The following TRIM51 variants were observed in gnomAD, a reference collection of about 807,000 sequenced individuals.
TRIM51 encodes the protein tripartite motif-containing 51.
TRIM51 carries 23 observed loss-of-function variants against 32.7 expected under a neutral mutation model. The observed-to-expected ratio is 0.70, with a 90% CI of 0.51 to 1.00. The LOEUF is 1.00. Ranked by LOEUF, TRIM51 falls within the 50% of genes least tolerant of loss-of-function variation. The probability of loss-of-function intolerance (pLI) is 0.00; values close to 1 mark genes in which losing one functional copy is unlikely to be tolerated. For synonymous variants in TRIM51, 177 were observed against 181.9 expected, an observed-to-expected ratio of 0.97 and a Z score of 0.22; for missense variants, 592 against 539.2, an observed-to-expected ratio of 1.10 and a Z score of -0.97.
At chr11:55,886,544 G>T (rs529220829) in intron 3 of TRIM51, among the ~76,000 whole-genome samples, 2 of 152,216 alleles carry the variant, frequency 1.3e-5, no homozygotes, top group South Asian at 4.1e-4. Context: ...AGAGTTATTT[G>T]TCAGTCATGG....
chr11:55,886,468 C>G (rs545172247), intron 3 of TRIM51, among the ~76,000 whole-genome samples: 6 of 152,274 alleles, frequency 3.9e-5, no homozygotes, highest in Non-Finnish European at 7.4e-5. Flanking sequence ...AATACCCCAG[C>G]AAATACAAGA....
rs564255686 is a variant in TRIM51 at position 55,891,629 on chromosome 11, C to T, written c.1356C>T (p.Phe452=). ...GGCCTATCTTTTGCTGTAGTCACTT[C>T]TGACCAGAGAAAAGTCAGAAATGTG... ...PLRPIFCCSH[F] The change falls in exon 7 of 7, where the codon TTC becomes TTT. Residue 452 remains phenylalanine, a synonymous_variant. Transcript: ENST00000449290. 7 of 1,613,036 alleles carry T rather than the reference C, an allele frequency of 4.3e-6. No individual in the cohort carries two copies. In the Admixed American group the frequency reaches 8.3e-5, roughly 19 times the overall value.
At chr11:55,885,341 A>T in intron 1 of TRIM51, 84 bp from the exon 2 acceptor site, 2 of 1,405,380 alleles carry the variant, frequency 1.4e-6, no homozygotes, top group Admixed American at 3.5e-5. Context: ...TCAAGAAGAA[A>T]ATATAGCTAT....
chr11:55,884,157 C>CTATAACTATATATATATATATA (rs763667977), intron 1 of TRIM51, among the ~76,000 whole-genome samples: 8 of 61,548 alleles, frequency 1.3e-4, no homozygotes, highest in Admixed American at 4.1e-4. Context: ...ATAACTATAA[C>CTATAACTATATATATATATATA]TATATATATA....
intron 3 of TRIM51, among the ~76,000 whole-genome samples, chr11:55,887,591 G>T (rs1354341465): frequency 2.0e-5 from 3 of 152,102 alleles, no homozygotes; most frequent in Non-Finnish European, 4.4e-5. Context: ...ATTAGAATAT[G>T]TTATGCTGGG....
At chr11:55,890,862 T>C (rs1468864209) in intron 6 of TRIM51, among the ~76,000 whole-genome samples, 1 of 152,214 alleles carries the variant, frequency 6.6e-6, no homozygotes, top group Non-Finnish European at 1.5e-5. Context: ...CATTTTTACA[T>C]TGGAGATTGG....
At chr11:55,888,674 A>G (rs1816957777) in intron 4 of TRIM51, among the ~76,000 whole-genome samples, 1 of 152,154 alleles carries the variant, frequency 6.6e-6, no homozygotes, top group Admixed American at 6.6e-5. Context: ...TCATTTTGGT[A>G]ACAGGGCTTA....
At position 55,891,706 on chromosome 11, in the gene TRIM51, T is replaced by A; in HGVS notation, c.*74T>A. The A allele has an allele frequency of 6.6e-7, 1 of 1,522,714 alleles. No individual in the cohort carries two copies. The highest frequency in any genetic ancestry group is 1.9e-5 in the Admixed American group (1 of 54,018). 94.3% of individuals were successfully genotyped at this position (1,522,714 alleles called of 1,614,324 possible). On this transcript the variant is annotated 3_prime_UTR_variant, in exon 7 of 7. Coordinates refer to ENST00000449290, the MANE Select transcript of TRIM51 (RefSeq NM_032681.4). The stretch of plus-strand genomic sequence containing the variant: ...CCCAGAAAGCCCTCTTTTTCGCACC[T>A]CATCAAACAGAACAAATAAGTTATA...
At chr11:55,886,771 T>C (rs1854583832) in intron 3 of TRIM51, among the ~76,000 whole-genome samples, 1 of 152,142 alleles carries the variant, frequency 6.6e-6, no homozygotes, top group African/African-American at 2.4e-5. Flanking sequence ...GATGAAGACA[T>C]AAATATGTGA....
chr11:55,886,768 A>T (rs1397935880), intron 3 of TRIM51, among the ~76,000 whole-genome samples: 16 of 152,170 alleles, frequency 1.1e-4, no homozygotes, highest in Non-Finnish European at 2.4e-4. Flanking sequence ...CTTGATGAAG[A>T]CATAAATATG....
chr11:55,884,180 T>TATATATATATATATAC (rs1344857496), intron 1 of TRIM51, among the ~76,000 whole-genome samples: 2 of 124,108 alleles, frequency 1.6e-5, no homozygotes, highest in African/African-American at 6.6e-5. Flanking sequence ...TATATATATA[T>TATATATATATATATAC]ATACACATAC....
chr11:55,886,674 C>A (rs1854582766), intron 3 of TRIM51, among the ~76,000 whole-genome samples: 1 of 152,082 alleles, frequency 6.6e-6, no homozygotes, highest in South Asian at 2.1e-4. Context: ...TTAGAGAAAG[C>A]ATGAAATGAA....
At position 55,886,140 on chromosome 11, in the gene TRIM51, A is replaced by C; in HGVS notation, c.429A>C (p.Lys143Asn). 6.2e-7 allele frequency: 1 copy of C among 1,613,320 alleles called. No individual in the cohort carries two copies. Among genetic ancestry groups the C allele is most frequent in the African/African-American group, 1.3e-5 (1 of 74,956 alleles). The change falls in exon 3 of 7, where the codon AAA (lysine) becomes AAC (asparagine). Residue 143 changes from lysine (K) to asparagine (N), a missense_variant. By Grantham distance (94) the Lys-to-Asn change is moderately conservative (BLOSUM62 0). Coordinates refer to ENST00000449290, the MANE Select transcript of TRIM51 (RefSeq NM_032681.4). Reference sequence around the variant, plus strand: ...TTTTGCAGGAGGAGCTCCTAAAAAAAATGCAGTCTTTATGGGAAAAAGCTT... The same window carrying C: ...TTTTGCAGGAGGAGCTCCTAAAAAACATGCAGTCTTTATGGGAAAAAGCTT... ...AEERREELLK[K>N]MQSLWEKACE...
chr11:55,889,068 A>G, intron 5 of TRIM51, 67 bp downstream of exon 5: 1 of 1,389,296 alleles, frequency 7.2e-7, no homozygotes, highest in South Asian at 1.2e-5. Flanking sequence ...GAACTTTGAT[A>G]TTGAAGGTAT....
At position 55,891,655 on chromosome 11, in the gene TRIM51, C is replaced by T. The variant is rs1305719274; in HGVS notation, c.*23C>T. The stretch of plus-strand genomic sequence containing the variant: ...TGACCAGAGAAAAGTCAGAAATGTG[C>T]CTGTATGCTCTGGGAACCTGTTTAT... On this transcript the variant is annotated 3_prime_UTR_variant, in exon 7 of 7. Coordinates refer to ENST00000449290, the MANE Select transcript of TRIM51 (RefSeq NM_032681.4). The T allele has an allele frequency of 3.7e-6, 6 of 1,611,636 alleles. No individual in the cohort carries two copies. Among genetic ancestry groups the T allele is most frequent in the Non-Finnish European group, 5.1e-6 (6 of 1,179,276 alleles).
intron 4 of TRIM51, 133 bp downstream of exon 4, chr11:55,888,395 C>T: frequency 1.3e-6 from 1 of 765,172 alleles, no homozygotes; most frequent in Non-Finnish European, 2.3e-6. Context: ...ACTAATGCTA[C>T]TTGGTTGGGA....
Position 55,888,120 on chromosome 11 carries a change from A to C in TRIM51, c.596A>C (p.Glu199Ala). 1 of 1,613,732 alleles carries C rather than the reference A, an allele frequency of 6.2e-7. No homozygotes were observed. Among genetic ancestry groups the C allele is most frequent in the Non-Finnish European group, 8.5e-7 (1 of 1,179,686 alleles). ...FLHEEEQHHL[E>A]RLRKEGEDIF... is the part of the protein sequence containing the mutation. ...CATGAAGAAGAGCAACATCACTTGG[A>C]AAGGCTGCGAAAGGAGGGCGAGGAC... Residue 199 changes from glutamate to alanine, a missense_variant, in exon 4 of 7, where the codon GAA becomes GCA. Coordinates refer to ENST00000449290, the MANE Select transcript of TRIM51 (RefSeq NM_032681.4).
At chr11:55,886,877 G>A (rs1158221057) in intron 3 of TRIM51, among the ~76,000 whole-genome samples, 18 of 151,964 alleles carry the variant, frequency 1.2e-4, no homozygotes. Context: ...TATATTGAGG[G>A]TATGATATCT....
Position 55,891,805 on chromosome 11 carries a change from T to A in TRIM51, c.*173T>A. The A allele has an allele frequency of 1.3e-6, 1 of 762,084 alleles. No homozygotes were observed. Among genetic ancestry groups the A allele is most frequent in the Admixed American group, 2.9e-5 (1 of 34,558 alleles). The allele number at this position is 762,084 out of a possible 1,614,324, so 47.2% of individuals were successfully genotyped here. A position where few individuals can be genotyped will look rare whatever the true frequency, so the allele number is the denominator to read the frequency against. ...GTTTCTATTAAATATGGTGAAAACA[T>A]TAAAACCATGTGTATTGATTCCTTT... is the stretch of plus-strand genomic sequence containing the variant. On this transcript the variant is annotated 3_prime_UTR_variant, in exon 7 of 7. Transcript: ENST00000449290.
Sources: allele counts gnomAD v4.1 joint callset (sites outside exome capture counted in the v4.1 genomes callset), GRCh38; gene constraint gnomAD v4.1.1; transcripts MANE v1.5; gene names NCBI Gene and HGNC (gene_info 2026-07-23, HGNC 2026-07-21).